TGS1: variants seen among roughly 807,000 people sequenced by gnomAD.
The protein encoded by TGS1 is trimethylguanosine synthase.
TGS1 carries 69 observed loss-of-function variants against 92.2 expected under a neutral mutation model. The observed-to-expected ratio is 0.75, with a 90% CI of 0.62 to 0.91. TGS1 has a LOEUF of 0.91. Among genes scored for constraint, TGS1 ranks in the 40% least tolerant of loss-of-function variants. TGS1 has a pLI of 0.00. For synonymous variants in TGS1, 345 were observed against 338.1 expected, an observed-to-expected ratio of 1.02 and a Z score of -0.22; for missense variants, 1,062 against 1,001.2, an observed-to-expected ratio of 1.06 and a Z score of -0.82.
intron 9 of TGS1, 91 bp downstream of exon 9, chr8:55,802,697 C>T: frequency 8.0e-7 from 1 of 1,245,998 alleles, no homozygotes; most frequent in East Asian, 2.5e-5. Flanking sequence ...ATGTTCATAT[C>T]CCCTTTACCC....
chr8:55,795,448 A>C (rs903284188), intron 6 of TGS1, among the ~76,000 whole-genome samples: 2 of 152,204 alleles, frequency 1.3e-5, no homozygotes, highest in Non-Finnish European at 2.9e-5. Flanking sequence ...AATATAATCA[A>C]AGGAGGCTTC....
chr8:55,774,212 A>T (rs1340389069), intron 1 of TGS1, among the ~76,000 whole-genome samples: 1 of 152,162 alleles, frequency 6.6e-6, no homozygotes, highest in African/African-American at 2.4e-5. Context: ...TATTTTGGGG[A>T]AATCTTTGAA....
intron 12 of TGS1, among the ~76,000 whole-genome samples, chr8:55,816,688 C>T (rs1449148354): frequency 6.6e-6 from 1 of 152,118 alleles, no homozygotes; most frequent in Non-Finnish European, 1.5e-5. Context: ...GGCAGACATA[C>T]TCCACCCTTC....
chr8:55,799,312 T>A, intron 8 of TGS1, 92 bp downstream of exon 8: 1 of 1,217,576 alleles, frequency 8.2e-7, no homozygotes, highest in Non-Finnish European at 1.1e-6. Context: ...GTGAATCTTC[T>A]GTACCTAAGG....
chr8:55,787,173 TATA>T (rs1811744812), intron 4 of TGS1, 113 bp downstream of exon 4: 1 of 703,798 alleles, frequency 1.4e-6, no homozygotes, highest in Non-Finnish European at 2.3e-6. Flanking sequence ...GTACATTTCA[TATA>T]ATAATGAAAT....
Position 55,792,446 on chromosome 8 carries a change from T to C in TGS1, c.1281-252T>C, listed in dbSNP as rs573839271. ...ATTATATTTGTACCATACCTAGGAATAGAAATCATTACTTGACATGAATTA... is the reference window on the plus strand; with the variant it reads ...ATTATATTTGTACCATACCTAGGAACAGAAATCATTACTTGACATGAATTA... On this transcript the variant is annotated intron_variant, in intron 5 of 12. Coordinates refer to ENST00000260129, the MANE Select transcript of TGS1 (RefSeq NM_024831.8). 5.3e-5 allele frequency among the ~76,000 whole-genome samples: 8 copies of C among 152,332 alleles called. No homozygotes were observed. The East Asian group carries it at 1.5e-3, about 29-fold the overall frequency.
intron 5 of TGS1, among the ~76,000 whole-genome samples, chr8:55,792,085 G>A (rs980547710): frequency 6.6e-6 from 1 of 152,224 alleles, no homozygotes; most frequent in African/African-American, 2.4e-5. Context: ...TGGAGGCAAA[G>A]ATCATGTGTG....
intron 11 of TGS1, among the ~76,000 whole-genome samples, chr8:55,812,453 G>A (rs1803363328): frequency 7.1e-6 from 1 of 141,022 alleles, no homozygotes; most frequent in Non-Finnish European, 1.5e-5. Flanking sequence ...GCTTGAACCT[G>A]CCACTGCACT....
At chr8:55,795,537 G>A (rs1264803304) in intron 6 of TGS1, among the ~76,000 whole-genome samples, 1 of 152,026 alleles carries the variant, frequency 6.6e-6, no homozygotes, top group Admixed American at 6.6e-5. Context: ...TGATACGAAG[G>A]GTTCGCTTCT....
chr8:55,798,730 C>G (rs561075744), intron 7 of TGS1, among the ~76,000 whole-genome samples, 184 bp from the exon 8 acceptor site: 19 of 152,252 alleles, frequency 1.2e-4, no homozygotes, highest in Admixed American at 4.6e-4. Flanking sequence ...AAGGTCATGG[C>G]ATGCCCAGAT....
In TGS1 at chr8:55,794,574, G is replaced by T. The variant is rs549092773; in HGVS notation, c.1368-1404G>T. 1.0e-3 allele frequency among the ~76,000 whole-genome samples: 158 copies of T among 152,224 alleles called. 1 individual carries two copies. In the Middle Eastern group the frequency reaches 0.017, roughly 16 times the overall value. ...AAGCCAGAGGTTGAGACTAGCCTGGGTAACATAGCAAGGCAGAAAATAAAA... is the reference window on the plus strand; with the variant it reads ...AAGCCAGAGGTTGAGACTAGCCTGGTTAACATAGCAAGGCAGAAAATAAAA... On this transcript the variant is annotated intron_variant, in intron 6 of 12. Transcript: ENST00000260129.
intron 10 of TGS1, among the ~76,000 whole-genome samples, chr8:55,809,537 T>C (rs1285504684): frequency 6.6e-6 from 1 of 151,984 alleles, no homozygotes; most frequent in East Asian, 1.9e-4. Flanking sequence ...CTCAGCTCAC[T>C]GCAATCTCCT....
intron 5 of TGS1, among the ~76,000 whole-genome samples, chr8:55,791,779 T>C (rs766373798): frequency 3.3e-5 from 5 of 152,240 alleles, no homozygotes; most frequent in Non-Finnish European, 7.3e-5. Flanking sequence ...TTTTTTTTGG[T>C]ATTCATCTCT....
At chr8:55,822,510 AC>A (rs1468439900) in intron 12 of TGS1, among the ~76,000 whole-genome samples, 2 of 151,984 alleles carry the variant, frequency 1.3e-5, no homozygotes, top group East Asian at 3.8e-4. Context: ...AAAATGATAA[AC>A]TGTTCAAAAT....
In TGS1 at chr8:55,824,911, A is replaced by G. The variant is rs146485260; in HGVS notation, c.*208A>G. ...GAGGAATTATACAAAATTAATATAT[A>G]TGAGTCCTTTGTAATTTATTTTTTT... is the stretch of plus-strand genomic sequence containing the variant. On this transcript the variant is annotated 3_prime_UTR_variant, in exon 13 of 13. Transcript: ENST00000260129. The G allele has an allele frequency of 1.9e-6, 1 of 526,560 alleles. No homozygotes were observed. Among genetic ancestry groups the G allele is most frequent in the African/African-American group, 1.9e-5 (1 of 51,286 alleles). The allele number at this position is 526,560 out of a possible 1,614,324, so 32.6% of individuals were successfully genotyped here.
In TGS1 at chr8:55,826,400, A is replaced by G. The variant is rs1803793438; in HGVS notation, c.*1697A>G. Among the ~76,000 whole-genome samples, 1 of 152,328 alleles carries G rather than the reference A, an allele frequency of 6.6e-6. No individual in the cohort carries two copies. The highest frequency in any genetic ancestry group is 1.9e-4 in the East Asian group (1 of 5,194). On this transcript the variant is annotated 3_prime_UTR_variant, in exon 13 of 13. Transcript: ENST00000260129. ...AGATATTGCTGCCCACTAATCACAC[A>G]GGGATAAAACTAATAGACTGTTAAG... is the stretch of plus-strand genomic sequence containing the variant.
intron 12 of TGS1, among the ~76,000 whole-genome samples, chr8:55,822,869 T>C (rs1394574501): frequency 6.6e-6 from 1 of 152,220 alleles, no homozygotes; most frequent in Non-Finnish European, 1.5e-5. Context: ...TACCAGAAGC[T>C]GGGGTGGTAT....
chr8:55,782,884 T>C, intron 2 of TGS1, 72 bp downstream of exon 2: 1 of 967,264 alleles, frequency 1.0e-6, no homozygotes, highest in South Asian at 1.6e-5. Context: ...ATGTATAATT[T>C]GTTATAATAT....
At position 55,824,443 on chromosome 8, in the gene TGS1, G is replaced by A. The variant is rs1198359534; in HGVS notation, c.2440-138G>A. 3 of 1,057,644 alleles carry A rather than the reference G, an allele frequency of 2.8e-6. No individual in the cohort carries two copies. In the African/African-American group the frequency reaches 4.8e-5, roughly 17 times the overall value. 65.5% of individuals were successfully genotyped at this position (1,057,644 alleles called of 1,614,324 possible). On this transcript the variant is annotated intron_variant, in intron 12 of 12. Transcript: ENST00000260129. ...TTGCATCGATGCCTGGGAAGTAGCA[G>A]TGAACATTTGAGATGCCTCATTATT...
Sources: gnomAD v4.1 joint callset for allele counts (sites outside exome capture counted in the v4.1 genomes callset) on GRCh38, gnomAD v4.1.1 for gene constraint, MANE v1.5 for transcripts, NCBI Gene and HGNC (gene_info 2026-07-23, HGNC 2026-07-21) for gene names.